Variants in STK32B observed in about 807,000 individuals in gnomAD.
STK32B encodes the protein serine/threonine-protein kinase 32B.
STK32B carries 43 observed loss-of-function variants against 52.6 expected under a neutral mutation model. The ratio of observed to expected loss-of-function variants is 0.82; its 90% CI spans 0.64 to 1.05. The LOEUF is 1.05. Ranked by LOEUF, STK32B falls within the 50% of genes least tolerant of loss-of-function variation. The pLI is 0.00. For synonymous variants in STK32B, 238 were observed against 204.3 expected (o/e 1.17, Z -1.41); for missense variants, 621 against 534.6 (o/e 1.16, Z -1.59).
intron 3 of STK32B, among the ~76,000 whole-genome samples, chr4:5,197,477 T>A (rs1462162596): frequency 1.3e-5 from 2 of 152,250 alleles, no homozygotes; most frequent in Non-Finnish European, 2.9e-5. Flanking sequence ...CATCACTCTG[T>A]ATCAGTTTTT....
chr4:5,483,953 C>T (rs995813576), intron 11 of STK32B, among the ~76,000 whole-genome samples: 17 of 152,054 alleles, frequency 1.1e-4, no homozygotes, highest in Non-Finnish European at 2.2e-4. Flanking sequence ...GTCTGAGAGA[C>T]AGTTTGTTAT....
In STK32B at chr4:5,463,648, A is replaced by AAC. The variant is rs373156761; in HGVS notation, c.910-3041_910-3040dup. 2.9e-3 allele frequency among the ~76,000 whole-genome samples: 436 copies of AAC among 151,454 alleles called. 3 individuals are homozygous for AAC. The highest frequency in any genetic ancestry group is 2.1e-3 in the Non-Finnish European group (143 of 67,726). Reference sequence around the variant, plus strand: ...TCACACACATGCACACTCCCATACAAACACACACACACACAAGCAAGCCCC... The same window carrying AAC: ...TCACACACATGCACACTCCCATACAAACACACACACACACACAAGCAAGCCCC... On this transcript the variant is annotated intron_variant, in intron 9 of 11. Transcript: ENST00000282908.
intron 1 of STK32B, among the ~76,000 whole-genome samples, chr4:5,121,675 G>C (rs1240918518): frequency 6.6e-6 from 1 of 152,194 alleles, no homozygotes; most frequent in Admixed American, 6.5e-5. Context: ...CTGAAGGTAA[G>C]AGATATTATT....
chr4:5,443,143 C>T (rs149536186), intron 6 of STK32B, among the ~76,000 whole-genome samples: 12,708 of 149,366 alleles, frequency 0.085, 834 homozygotes, highest in East Asian at 0.38. Flanking sequence ...TGAATCTGAA[C>T]GTTGGCCTGC....
chr4:5,307,999 T>C (rs945430246), intron 3 of STK32B, among the ~76,000 whole-genome samples: 2 of 152,168 alleles, frequency 1.3e-5, no homozygotes, highest in Non-Finnish European at 2.9e-5. Context: ...TTCTCAGCCG[T>C]GGACATGAGC....
rs553933248 is a variant in STK32B, at chr4:5,329,977, C to T, written c.261-1243C>T. Among the ~76,000 whole-genome samples the T allele has an allele frequency of 1.1e-4, 17 of 152,338 alleles. No individual in the cohort carries two copies. In the South Asian group the frequency reaches 2.7e-3, roughly 24 times the overall value. On this transcript the variant is annotated intron_variant, in intron 3 of 11. Transcript: ENST00000282908. The stretch of plus-strand genomic sequence containing the variant: ...CATGCACCAGGCTCCCTCCCCAGGG[C>T]TGCACACCCAGGATACTGGAACATA...
chr4:5,497,980 C>G (rs1007885813), intron 11 of STK32B, among the ~76,000 whole-genome samples: 1 of 152,126 alleles, frequency 6.6e-6, no homozygotes, highest in Non-Finnish European at 1.5e-5. Flanking sequence ...ATTCCCAGCC[C>G]TATACTAGAT....
chr4:5,387,146 C>T (rs112360611), intron 4 of STK32B, among the ~76,000 whole-genome samples: 2 of 152,180 alleles, frequency 1.3e-5, no homozygotes, highest in East Asian at 3.9e-4. Flanking sequence ...AGGAAGCGCT[C>T]GAGGATCCCA....
chr4:5,431,521 T>A (rs182081509), intron 6 of STK32B, among the ~76,000 whole-genome samples: 234 of 151,996 alleles, frequency 1.5e-3, no homozygotes, highest in African/African-American at 4.8e-3. Context: ...TTTTTTTTTT[T>A]ATTTACTAGT....
intron 4 of STK32B, among the ~76,000 whole-genome samples, chr4:5,335,635 T>C (rs1732620770): frequency 6.6e-6 from 1 of 152,158 alleles, no homozygotes. Context: ...AATTTCCCTC[T>C]ACGCACTGCT....
At chr4:5,273,797 T>A (rs1727607800) in intron 3 of STK32B, among the ~76,000 whole-genome samples, 1 of 130,440 alleles carries the variant, frequency 7.7e-6, no homozygotes, top group Non-Finnish European at 1.6e-5. Flanking sequence ...AACAGTGAGA[T>A]CACATGGACA....
intron 1 of STK32B, among the ~76,000 whole-genome samples, chr4:5,069,125 G>C (rs769602303): frequency 2.6e-5 from 4 of 152,094 alleles, no homozygotes; most frequent in Admixed American, 6.6e-5. Flanking sequence ...TGGAGCTGTG[G>C]AGAGGTCTGC....
intron 11 of STK32B, 89 bp downstream of exon 11, chr4:5,468,159 A>C: frequency 2.3e-5 from 31 of 1,332,044 alleles, no homozygotes; most frequent in Non-Finnish European, 2.9e-5. Context: ...TGCCCCCCAA[A>C]CCGGCCTTGA....
chr4:5,373,872 A>C (rs1735407953), intron 4 of STK32B, among the ~76,000 whole-genome samples: 1 of 152,306 alleles, frequency 6.6e-6, no homozygotes, highest in Non-Finnish European at 1.5e-5. Context: ...CTCTATCTAC[A>C]CACCAACAAA....
chr4:5,147,234 T>G (rs1370528387), intron 2 of STK32B, among the ~76,000 whole-genome samples: 2 of 152,146 alleles, frequency 1.3e-5, no homozygotes, highest in African/African-American at 4.8e-5. Flanking sequence ...ATTTAGTTTT[T>G]AATTGTTTAC....
At chr4:5,452,272 C>T (rs1223443092) in intron 7 of STK32B, among the ~76,000 whole-genome samples, 1 of 152,122 alleles carries the variant, frequency 6.6e-6, no homozygotes, top group African/African-American at 2.4e-5. Context: ...TACAGAGAGG[C>T]CAGCGAGTGG....
At chr4:5,193,959 T>C (rs1425088218) in intron 3 of STK32B, among the ~76,000 whole-genome samples, 1 of 152,216 alleles carries the variant, frequency 6.6e-6, no homozygotes, top group Admixed American at 6.5e-5. Context: ...GCGTGCGTTC[T>C]CATGCTCCTG....
chr4:5,196,445 G>A (rs748440289), intron 3 of STK32B, among the ~76,000 whole-genome samples: 33 of 149,656 alleles, frequency 2.2e-4, no homozygotes, highest in South Asian at 8.5e-4. Context: ...GATAAGGGCC[G>A]GGGGCAGTGG....
chr4:5,379,336 C>A (rs548483306), intron 4 of STK32B, among the ~76,000 whole-genome samples: 2 of 152,234 alleles, frequency 1.3e-5, no homozygotes, highest in African/African-American at 4.8e-5. Flanking sequence ...AGCCTTGTCT[C>A]TGTGCTGACT....
Sources: allele counts gnomAD v4.1 joint callset (sites outside exome capture counted in the v4.1 genomes callset), GRCh38; gene constraint gnomAD v4.1.1; transcripts MANE v1.5; gene names NCBI Gene and HGNC (gene_info 2026-07-23, HGNC 2026-07-21).